SLC25A14: variants seen among roughly 807,000 people sequenced by gnomAD.
SLC25A14 encodes brain mitochondrial carrier protein 1.
In SLC25A14, 8 loss-of-function variants were observed where a neutral mutation model predicts 28.1. The ratio of observed to expected loss-of-function variants is 0.28; its 90% CI spans 0.17 to 0.51. The LOEUF is 0.51. Among genes scored for constraint, SLC25A14 ranks in the 20% least tolerant of loss-of-function variants. SLC25A14 has a pLI of 0.97. For missense variants in SLC25A14, 135 were observed against 263.8 expected (o/e 0.51, Z 3.38); for synonymous variants, 74 against 90.6 (o/e 0.82, Z 1.04).
intron 10 of SLC25A14, among the ~76,000 whole-genome samples, chrX:130,372,474 T>TA (rs2034289472): frequency 9.2e-6 from 1 of 108,795 alleles, no homozygotes; most frequent in African/African-American, 3.4e-5. Context: ...TTTTTATTTT[T>TA]TTTTTTGAGA....
At position 130,371,588 on chromosome X, in the gene SLC25A14, G is replaced by T. The variant is rs1313722295; in HGVS notation, c.880G>T (p.Ala294Ser). 1.7e-6 allele frequency: 2 copies of T among 1,207,661 alleles called. No individual in the cohort carries two copies. The highest frequency in any genetic ancestry group is 2.2e-5 in the Admixed American group (1 of 45,932). Residue 294 changes from alanine to serine, a missense_variant, in exon 10 of 11, where the codon GCA becomes TCA. Transcript: ENST00000545805. The stretch of plus-strand genomic sequence containing the variant: ...GATGTGGAAACATGAGGGCTTTTTT[G>T]CACTCTATAAAGGATTTTGGCCAAA... ...LKMWKHEGFF[A>S]LYKGFWPNWL...
intron 6 of SLC25A14, among the ~76,000 whole-genome samples, chrX:130,356,658 C>T (rs112349238): frequency 9.0e-6 from 1 of 111,729 alleles, no homozygotes; most frequent in African/African-American, 3.3e-5. Flanking sequence ...GGACTTGGTT[C>T]CATGGCTACA....
chrX:130,355,274 G>A (rs1397876935), intron 6 of SLC25A14, among the ~76,000 whole-genome samples: 1 of 112,225 alleles, frequency 8.9e-6, no homozygotes, highest in East Asian at 2.8e-4. Flanking sequence ...GAGGAAATAG[G>A]ATGACTTAAG....
intron 9 of SLC25A14, among the ~76,000 whole-genome samples, chrX:130,369,943 T>G (rs985051226): frequency 8.9e-6 from 1 of 112,192 alleles, no homozygotes; most frequent in Non-Finnish European, 1.9e-5. Context: ...TTTAAAAGAT[T>G]GTTCTAGCTT....
intron 7 of SLC25A14, among the ~76,000 whole-genome samples, chrX:130,363,742 A>AT (rs900785030): frequency 1.2e-4 from 13 of 109,785 alleles, no homozygotes; most frequent in Middle Eastern, 4.7e-3. Flanking sequence ...ATTTTTTTAA[A>AT]TTTTTTTTTG....
rs1428695290 is a variant in SLC25A14, at chrX:130,364,638, C to T, written c.605C>T (p.Pro202Leu). 8.3e-7 allele frequency: 1 copy of T among 1,207,532 alleles called. No homozygotes were observed. Among genetic ancestry groups the T allele is most frequent in the South Asian group, 1.8e-5 (1 of 56,895 alleles). The change falls in exon 8 of 11, where the codon CCA becomes CTA. Residue 202 changes from proline (P) to leucine (L), a missense_variant. Coordinates refer to ENST00000545805, the MANE Select transcript of SLC25A14 (RefSeq NM_001282195.2). The stretch of plus-strand genomic sequence containing the variant: ...ACTTGTGTTTCGTAGGGTGTGGTTC[C>T]AACTGCTCAGCGTGCTGCCATCGTT... ...GTRGLWRGVV[P>L]TAQRAAIVVG... is the part of the protein sequence containing the mutation.
chrX:130,349,201 T>C, intron 4 of SLC25A14, 50 bp from the exon 5 acceptor site: 2 of 816,644 alleles, frequency 2.4e-6, no homozygotes, highest in Middle Eastern at 3.0e-4. Context: ...TATCTAGATA[T>C]GTATAATCTG....
At chrX:130,345,091 T>C in intron 2 of SLC25A14, 91 bp from the exon 3 acceptor site, 1 of 625,891 alleles carries the variant, frequency 1.6e-6, no homozygotes, top group South Asian at 2.8e-5. Context: ...ATCTATTTTA[T>C]TTGCCAATTT....
intron 2 of SLC25A14, among the ~76,000 whole-genome samples, chrX:130,342,743 A>C (rs1387646263): frequency 9.1e-6 from 1 of 110,204 alleles, no homozygotes; most frequent in Non-Finnish European, 1.9e-5. Flanking sequence ...TTTGGATTTC[A>C]TGGGCCAGTA....
Position 130,364,634 on chromosome X carries a change from G to T in SLC25A14, c.601G>T (p.Val201Phe). 8.3e-7 allele frequency: 1 copy of T among 1,206,717 alleles called. No individual in the cohort carries two copies. The highest frequency in any genetic ancestry group is 1.1e-6 in the Non-Finnish European group (1 of 891,605). ...TGTCACTTGTGTTTCGTAGGGTGTG[G>T]TTCCAACTGCTCAGCGTGCTGCCAT... ...EGTRGLWRGV[V>F]PTAQRAAIVV... The change falls in exon 8 of 11, where the codon GTT (valine) becomes TTT (phenylalanine). Residue 201 changes from valine to phenylalanine, a missense_variant. Transcript: ENST00000545805.
intron 9 of SLC25A14, among the ~76,000 whole-genome samples, 167 bp from the exon 10 acceptor site, chrX:130,371,397 A>G (rs2034258735): frequency 1.8e-5 from 2 of 111,404 alleles, no homozygotes. Context: ...GTAAATATTT[A>G]TTGATTAAGT....
intron 10 of SLC25A14, among the ~76,000 whole-genome samples, chrX:130,372,683 C>T (rs1206308193): frequency 2.7e-5 from 3 of 110,089 alleles, no homozygotes; most frequent in East Asian, 2.9e-4. Flanking sequence ...AGGATGGTCT[C>T]GATCTCCTGA....
At chrX:130,372,463 A>AT (rs72517122) in intron 10 of SLC25A14, among the ~76,000 whole-genome samples, 2 of 97,801 alleles carry the variant, frequency 2.0e-5, no homozygotes, top group African/African-American at 8.2e-5. Flanking sequence ...TTATTTATTT[A>AT]TTTTTATTTT....
intron 5 of SLC25A14, among the ~76,000 whole-genome samples, chrX:130,350,398 G>C (rs1431992888): frequency 9.0e-6 from 1 of 111,688 alleles, no homozygotes; most frequent in Non-Finnish European, 1.9e-5. Flanking sequence ...AGAAGAAAAG[G>C]ACGTGTTCCA....
At chrX:130,359,352 CA>C (rs55826694) in intron 7 of SLC25A14, among the ~76,000 whole-genome samples, 1,574 of 26,146 alleles carry the variant, frequency 0.06, 17 homozygotes, top group African/African-American at 0.16. Context: ...GACTCTGTCT[CA>C]AAAAAAAAAA....
intron 6 of SLC25A14, among the ~76,000 whole-genome samples, chrX:130,354,031 C>T (rs1390318301): frequency 9.0e-6 from 1 of 111,022 alleles, no homozygotes; most frequent in Non-Finnish European, 1.9e-5. Flanking sequence ...TTTCTTCTCC[C>T]ACCCAAGGTT....
At chrX:130,354,398 C>A (rs1329122648) in intron 6 of SLC25A14, among the ~76,000 whole-genome samples, 1 of 112,244 alleles carries the variant, frequency 8.9e-6, no homozygotes, top group East Asian at 2.8e-4. Flanking sequence ...CAGGCGTGAG[C>A]CACCGTGCCC....
chrX:130,363,932 A>T (rs1320490018), intron 7 of SLC25A14, among the ~76,000 whole-genome samples: 1 of 110,888 alleles, frequency 9.0e-6, no homozygotes. Flanking sequence ...ATAGAGTCTT[A>T]CTGTATTGCC....
intron 6 of SLC25A14, among the ~76,000 whole-genome samples, chrX:130,354,486 A>G (rs2033729158): frequency 8.9e-6 from 1 of 112,109 alleles, no homozygotes; most frequent in Non-Finnish European, 1.9e-5. Flanking sequence ...TCACAAAGAA[A>G]CTCAAAAATA....
Sources: gnomAD v4.1 joint callset for allele counts (sites outside exome capture counted in the v4.1 genomes callset) on GRCh38, gnomAD v4.1.1 for gene constraint, MANE v1.5 for transcripts, NCBI Gene and HGNC (gene_info 2026-07-23, HGNC 2026-07-21) for gene names.